Variants in CD163L1 observed in about 807,000 individuals in gnomAD.
The protein encoded by CD163L1 is scavenger receptor cysteine-rich type 1 protein M160.
CD163L1 carries 124 observed loss-of-function variants against 165.4 expected under a neutral mutation model. That is an observed-to-expected ratio of 0.75 (90% CI 0.65 to 0.87). The LOEUF is 0.87. Ranked by LOEUF, CD163L1 falls within the 40% of genes least tolerant of loss-of-function variation. CD163L1 has a pLI of 0.00. For missense variants in CD163L1, 1,525 were observed against 1,799.9 expected (o/e 0.85, Z 2.76); for synonymous variants, 585 against 662.2 (o/e 0.88, Z 1.79).
chr12:7,387,655 A>G (rs978412163), intron 8 of CD163L1, among the ~76,000 whole-genome samples: 13 of 152,254 alleles, frequency 8.5e-5, no homozygotes, highest in Admixed American at 4.6e-4. Flanking sequence ...CCCTTTTGCC[A>G]TGCTACCTGA....
At chr12:7,407,072 T>C in intron 4 of CD163L1, among the ~76,000 whole-genome samples, 1 of 152,268 alleles carries the variant, frequency 6.6e-6, no homozygotes, top group Non-Finnish European at 1.5e-5. Flanking sequence ...ATCTCTGGCA[T>C]TTGGGGAATA....
chr12:7,322,445 C>G, the CD163L1 span: 1 of 1,613,824 alleles, frequency 6.2e-7, no homozygotes, highest in East Asian at 2.2e-5. Context: ...TGCGGCACTG[C>G]TTGACCGGAG....
rs1366316714 is a variant in CD163L1, at chr12:7,437,151, ATAC to A, written c.125-3460_125-3458del. 8.1e-5 allele frequency among the ~76,000 whole-genome samples: 8 copies of A among 98,246 alleles called. No individual in the cohort carries two copies. The East Asian group carries it at 2.2e-3, about 27-fold the overall frequency. 64.5% of individuals were successfully genotyped at this position (98,246 alleles called of 152,430 possible). A position where few individuals can be genotyped will look rare whatever the true frequency, so the allele number is the denominator to read the frequency against. ...ATTTATTTTATTTATTATTTTTATT[ATAC>A]TTTTATTTTTATTAATAGTATTACT... On this transcript the variant is annotated intron_variant, in intron 2 of 19. Transcript: ENST00000313599.
intron 4 of CD163L1, among the ~76,000 whole-genome samples, chr12:7,411,423 G>A (rs1353899386): frequency 1.3e-5 from 2 of 152,136 alleles, no homozygotes; most frequent in Non-Finnish European, 1.5e-5. Flanking sequence ...TGGGGCCTGT[G>A]GGAGGTGTTT....
At chr12:7,413,029 G>C (rs1008553668) in intron 4 of CD163L1, among the ~76,000 whole-genome samples, 2 of 148,178 alleles carry the variant, frequency 1.3e-5, no homozygotes, top group Non-Finnish European at 3.0e-5. Flanking sequence ...TTGGAGGGTG[G>C]AGGTTGCAGT....
chr12:7,399,629 G>C (rs1461016357), intron 6 of CD163L1, among the ~76,000 whole-genome samples: 1 of 147,826 alleles, frequency 6.8e-6, no homozygotes, highest in African/African-American at 2.5e-5. Flanking sequence ...TTTCTGTCCA[G>C]GGTCTTGCTC....
Position 7,403,849 on chromosome 12 carries a change from G to A in CD163L1, c.1094C>T (p.Ala365Val). Reference sequence around the variant, plus strand: ...ATCTGCTAGTCGCAGTTCCAAATCTGCTCCATCTAGGATGAAGTCACAGAG... The same window carrying A: ...ATCTGCTAGTCGCAGTTCCAAATCTACTCCATCTAGGATGAAGTCACAGAG... ...NDVSVICSDG[A>V]DLELRLADGS... Residue 365 changes from alanine to valine, a missense_variant, in exon 6 of 20, where the codon GCA becomes GTA. Transcript: ENST00000313599. 1.2e-6 allele frequency: 2 copies of A among 1,612,588 alleles called. No homozygotes were observed. The highest frequency in any genetic ancestry group is 1.1e-5 in the South Asian group (1 of 90,962).
rs963721200 is a variant in CD163L1 at position 7,373,410 on chromosome 12, T to C, written c.3640A>G (p.Lys1214Glu). The change falls in exon 14 of 20, where the codon AAA becomes GAA. Residue 1214 changes from lysine (K) to glutamate (E), a missense_variant. By Grantham distance (56) the Lys-to-Glu change is moderately conservative (BLOSUM62 1). Transcript: ENST00000313599. Reference protein sequence around the residue: ...FMWVDDIQCPKTHISIWQCLS... With the variant: ...FMWVDDIQCPETHISIWQCLS... ...CACTGCCATATGGAGATATGCGTTT[T>C]AGGACACTGAATGTCATCCACCCAC... 6.2e-7 allele frequency: 1 copy of C among 1,614,086 alleles called. No homozygotes were observed. Among genetic ancestry groups the C allele is most frequent in the Non-Finnish European group, 8.5e-7 (1 of 1,180,020 alleles).
the CD163L1 span, among the ~76,000 whole-genome samples, chr12:7,331,730 T>G: frequency 1.3e-5 from 2 of 152,108 alleles, no homozygotes; most frequent in African/African-American, 4.8e-5. Context: ...GTCCTGACTG[T>G]TAGAAGGAAA....
At chr12:7,341,915 T>C (rs1946640039), downstream of CD163L1, among the ~76,000 whole-genome samples, 2 of 152,186 alleles carry the variant, frequency 1.3e-5, no homozygotes, top group African/African-American at 4.8e-5. Flanking sequence ...TTTGAGACTC[T>C]CAGAAAAGTT....
rs1947065719 is a variant in CD163L1, at chr12:7,368,341, T to C, written c.4073-144A>G. 2.0e-6 allele frequency: 1 copy of C among 499,470 alleles called. No individual in the cohort carries two copies. Among genetic ancestry groups the C allele is most frequent in the South Asian group, 3.6e-5 (1 of 28,048 alleles). The allele number at this position is 499,470 out of a possible 1,614,324, so 30.9% of individuals were successfully genotyped here. ...CATATTCATGAACAGTACGTAATCT[T>C]TGAGAGCTATTTTAGATGAAAACTA... On this transcript the variant is annotated intron_variant, in intron 16 of 19. Coordinates refer to ENST00000313599, the MANE Select transcript of CD163L1 (RefSeq NM_174941.6). This position sits in a 1 kb window ranked among gnomAD's most constrained non-coding sequence, Gnocchi z 4.3.
intron 2 of CD163L1, among the ~76,000 whole-genome samples, chr12:7,440,624 TTTTTC>T (rs1436589370): frequency 2.0e-5 from 2 of 98,458 alleles, no homozygotes; most frequent in African/African-American, 7.9e-5. Flanking sequence ...ATCTTTATCT[TTTTTC>T]TTTTTTTTTT....
At chr12:7,325,175 A>G in the CD163L1 span, among the ~76,000 whole-genome samples, 2 of 152,254 alleles carry the variant, frequency 1.3e-5, no homozygotes, top group Non-Finnish European at 1.5e-5. Context: ...TCATACGTCT[A>G]TCCTTGGAAG....
chr12:7,433,327 C>G, intron 3 of CD163L1, 47 bp downstream of exon 3: 1 of 1,493,834 alleles, frequency 6.7e-7, no homozygotes. Context: ...CAGATGATTC[C>G]TGAGGGTAGG....
chr12:7,329,891 A>G, the CD163L1 span, among the ~76,000 whole-genome samples: 1 of 152,222 alleles, frequency 6.6e-6, no homozygotes, highest in Non-Finnish European at 1.5e-5. Flanking sequence ...AAACTATCAA[A>G]TCAAAATCTT....
chr12:7,393,517 C>A (rs1226538530), intron 8 of CD163L1, among the ~76,000 whole-genome samples: 2 of 152,158 alleles, frequency 1.3e-5, no homozygotes, highest in Non-Finnish European at 2.9e-5. Context: ...TGGCACAAGA[C>A]AAGAATGCCC....
intron 5 of CD163L1, 26 bp downstream of exon 5, chr12:7,406,506 T>G: frequency 6.3e-7 from 1 of 1,597,976 alleles, no homozygotes. Flanking sequence ...TTTTATCTGA[T>G]GTAATCATGT....
rs768211120 is a variant in CD163L1 at position 7,374,954 on chromosome 12, G to GT, written c.3002-32dup. On this transcript the variant is annotated intron_variant, in intron 11 of 19. Transcript: ENST00000313599. This position sits in a 1 kb window ranked among gnomAD's most constrained non-coding sequence, Gnocchi z 5.4. ...GGAGGGTGCAGGAAATGGGGCAAAAGTAAGACCAAAATACATGGAAAAGGT... is the reference window on the plus strand; with the variant it reads ...GGAGGGTGCAGGAAATGGGGCAAAAGTTAAGACCAAAATACATGGAAAAGGT... The GT allele has an allele frequency of 8.2e-6, 13 of 1,586,222 alleles. No homozygotes were observed. The highest frequency in any genetic ancestry group is 8.7e-6 in the Non-Finnish European group (10 of 1,154,818).
intron 4 of CD163L1, among the ~76,000 whole-genome samples, chr12:7,420,235 A>T (rs751346636): frequency 6.6e-6 from 1 of 152,254 alleles, no homozygotes; most frequent in East Asian, 1.9e-4. Flanking sequence ...TAAATCTAAG[A>T]CCCGAAACCG....
Sources: allele counts gnomAD v4.1 joint callset (sites outside exome capture counted in the v4.1 genomes callset), GRCh38; gene constraint gnomAD v4.1.1; non-coding constraint Gnocchi (gnomAD v3.1); transcripts MANE v1.5; gene names NCBI Gene and HGNC (gene_info 2026-07-23, HGNC 2026-07-21).